Variants in CNTN1 observed in about 807,000 individuals in gnomAD.
The protein encoded by CNTN1 is contactin 1.
Under a neutral mutation model 126.4 loss-of-function variants are expected in CNTN1, and 38 were observed. The ratio of observed to expected loss-of-function variants is 0.30; its 90% CI spans 0.23 to 0.39. CNTN1 has a LOEUF of 0.39. Ranked by LOEUF, CNTN1 falls within the 10% of genes least tolerant of loss-of-function variation. CNTN1 has a pLI of 1.00. For missense variants in CNTN1, 1,009 were observed against 1,248.4 expected (o/e 0.81, Z 2.89); for synonymous variants, 413 against 422.6 (o/e 0.98, Z 0.28).
chr12:40,756,291 A>G (rs1298839689), intron 1 of CNTN1, among the ~76,000 whole-genome samples: 1 of 152,110 alleles, frequency 6.6e-6, no homozygotes, highest in African/African-American at 2.4e-5. Flanking sequence ...AGAGCGAGTG[A>G]TCTGGGAAGA....
chr12:40,921,304 C>T (rs906474601), intron 4 of CNTN1, among the ~76,000 whole-genome samples: 22 of 152,140 alleles, frequency 1.4e-4, no homozygotes, highest in Non-Finnish European at 2.9e-4. Context: ...TGGCCACGAG[C>T]CACTACTACT....
At chr12:41,028,911 T>C (rs542558960) in intron 22 of CNTN1, 152 bp from the exon 23 acceptor site, 1 of 765,344 alleles carries the variant, frequency 1.3e-6, no homozygotes, top group African/African-American at 1.8e-5. Context: ...CATGATTTTT[T>C]TCATCTAGTT....
intron 1 of CNTN1, among the ~76,000 whole-genome samples, chr12:40,773,633 GTA>G (rs371522549): frequency 0.069 from 3,239 of 46,616 alleles, 214 homozygotes; most frequent in African/African-American, 0.2. Context: ...ACCAGAAACT[GTA>G]TATATATATA....
rs550097395 is a variant in CNTN1, at chr12:40,815,178, T to A, written c.-76-93179T>A. Among the ~76,000 whole-genome samples, 5 of 152,334 alleles carry A rather than the reference T, an allele frequency of 3.3e-5. No homozygotes were observed. In the South Asian group the frequency reaches 8.3e-4, roughly 25 times the overall value. On this transcript the variant is annotated intron_variant, in intron 1 of 23. Coordinates refer to ENST00000551295, the MANE Select transcript of CNTN1 (RefSeq NM_001843.4). ...GAAATTTAAAATAGTATTTTTCTAA[T>A]TCTGTGAAGAATGTCAATGGTAGTT...
intron 1 of CNTN1, among the ~76,000 whole-genome samples, chr12:40,726,608 A>G (rs1048104423): frequency 3.3e-5 from 5 of 152,182 alleles, no homozygotes; most frequent in Non-Finnish European, 5.9e-5. Context: ...CACCCTTGAC[A>G]CATGGGGATT....
chr12:40,935,595 T>C (rs1946052881), intron 9 of CNTN1, among the ~76,000 whole-genome samples: 1 of 152,092 alleles, frequency 6.6e-6, no homozygotes, highest in Non-Finnish European at 1.5e-5. Context: ...GTGTTGTCTT[T>C]GTGAGGCCAA....
intron 1 of CNTN1, among the ~76,000 whole-genome samples, chr12:40,810,370 AC>A (rs763997180): frequency 1.3e-5 from 2 of 152,202 alleles, no homozygotes; most frequent in Admixed American, 6.5e-5. Context: ...TCACATAGCT[AC>A]CTTTTGTCCT....
At chr12:40,924,120 C>T (rs112168631) in intron 5 of CNTN1, among the ~76,000 whole-genome samples, 24 of 152,200 alleles carry the variant, frequency 1.6e-4, no homozygotes, top group South Asian at 4.2e-4. Context: ...TATTCCTTCC[C>T]GATATCCAAG....
At chr12:40,812,003 C>CT (rs145863089) in intron 1 of CNTN1, among the ~76,000 whole-genome samples, 31 of 142,708 alleles carry the variant, frequency 2.2e-4, no homozygotes, top group South Asian at 4.4e-4. Flanking sequence ...TGAGATCTTT[C>CT]TTTTTTTTTT....
chr12:41,064,332 A>C (rs1950004907), intron 23 of CNTN1, among the ~76,000 whole-genome samples: 1 of 152,214 alleles, frequency 6.6e-6, no homozygotes, highest in Non-Finnish European at 1.5e-5. Flanking sequence ...AAGATCCCTG[A>C]CTACCATGCT....
At position 41,057,880 on chromosome 12, in the gene CNTN1, C is replaced by A. The variant is rs575255109; in HGVS notation, c.2981-12079C>A. 3.3e-5 allele frequency among the ~76,000 whole-genome samples: 5 copies of A among 152,012 alleles called. No homozygotes were observed. The East Asian group carries it at 9.6e-4, about 29-fold the overall frequency. ...AGTCGTGAGAGATTCTAGAGCTATA[C>A]TGGAGATCAAATCAGTTGGACTTGG... On this transcript the variant is annotated intron_variant, in intron 23 of 23. Transcript: ENST00000551295.
intron 3 of CNTN1, 77 bp from the exon 4 acceptor site, chr12:40,918,562 A>T (rs1191923865): frequency 7.9e-7 from 1 of 1,262,412 alleles, no homozygotes; most frequent in African/African-American, 1.7e-5. Context: ...TTTTTCAAGT[A>T]ATTTTTTTTC....
intron 17 of CNTN1, among the ~76,000 whole-genome samples, chr12:41,007,339 C>T (rs1173210240): frequency 6.6e-6 from 1 of 151,994 alleles, no homozygotes; most frequent in South Asian, 2.1e-4. Context: ...GGATTACAGG[C>T]GTGAGCCACC....
At chr12:40,769,739 C>G (rs1939260304) in intron 1 of CNTN1, among the ~76,000 whole-genome samples, 1 of 151,748 alleles carries the variant, frequency 6.6e-6, no homozygotes, top group South Asian at 2.1e-4. Flanking sequence ...TTGGAGTTCC[C>G]TTAAATTTTG....
chr12:40,766,545 C>T (rs1234562886), intron 1 of CNTN1, among the ~76,000 whole-genome samples: 1 of 151,988 alleles, frequency 6.6e-6, no homozygotes, highest in Non-Finnish European at 1.5e-5. Context: ...TTAGGTGTTA[C>T]TGGCCTTTAA....
At chr12:40,806,058 T>C (rs1320920682) in intron 1 of CNTN1, among the ~76,000 whole-genome samples, 1 of 152,150 alleles carries the variant, frequency 6.6e-6, no homozygotes, top group Non-Finnish European at 1.5e-5. Flanking sequence ...TGTTCTTTAC[T>C]GCACTCCAGA....
chr12:40,966,687 A>G (rs900674469), intron 15 of CNTN1, among the ~76,000 whole-genome samples: 1 of 152,170 alleles, frequency 6.6e-6, no homozygotes, highest in East Asian at 1.9e-4. Context: ...TTCAGCGTAA[A>G]TTGAGGTACA....
intron 1 of CNTN1, among the ~76,000 whole-genome samples, chr12:40,849,705 T>C (rs1366181236): frequency 6.6e-6 from 1 of 152,086 alleles, no homozygotes; most frequent in Non-Finnish European, 1.5e-5. Context: ...TAATTGCTAA[T>C]GTATAATAAT....
intron 1 of CNTN1, among the ~76,000 whole-genome samples, chr12:40,773,696 C>CGT (rs1939458942): frequency 1.5e-4 from 3 of 19,928 alleles, no homozygotes; most frequent in Non-Finnish European, 2.1e-4. Flanking sequence ...TATATATACA[C>CGT]ATATATATAT....
Sources: allele counts gnomAD v4.1 joint callset (sites outside exome capture counted in the v4.1 genomes callset), GRCh38; gene constraint gnomAD v4.1.1; transcripts MANE v1.5; gene names NCBI Gene and HGNC (gene_info 2026-07-23, HGNC 2026-07-21).